The following CLPB variants were observed in gnomAD, a reference collection of about 807,000 sequenced individuals.
The protein encoded by CLPB is ClpB family mitochondrial disaggregase.
CLPB carries 40 observed loss-of-function variants against 78.4 expected under a neutral mutation model. That is an observed-to-expected ratio of 0.51 (90% CI 0.40 to 0.66). The LOEUF (loss-of-function observed/expected upper bound fraction) is 0.66. Ranked by LOEUF, CLPB falls within the 30% of genes least tolerant of loss-of-function variation. The pLI is 0.00. For synonymous variants in CLPB, 333 were observed against 348.0 expected (o/e 0.96, Z 0.48); for missense variants, 780 against 886.9 (o/e 0.88, Z 1.53).
At chr11:72,421,582 A>C (rs976784688) in intron 2 of CLPB, among the ~76,000 whole-genome samples, 1 of 152,154 alleles carries the variant, frequency 6.6e-6, no homozygotes, top group African/African-American at 2.4e-5. Flanking sequence ...CCCCCGAGGA[A>C]ACTGAGAGAC....
At chr11:72,300,458 A>C (rs1348800180) in intron 11 of CLPB, among the ~76,000 whole-genome samples, 2 of 152,166 alleles carry the variant, frequency 1.3e-5, no homozygotes, top group African/African-American at 4.8e-5. Flanking sequence ...GCCTCAGTGT[A>C]CACGTGAGTA....
At chr11:72,341,676 C>T (rs1204396073) in intron 5 of CLPB, among the ~76,000 whole-genome samples, 1 of 152,186 alleles carries the variant, frequency 6.6e-6, no homozygotes, top group East Asian at 1.9e-4. Flanking sequence ...AGAGACAGTT[C>T]CTGTCTCCCA....
chr11:72,419,548 T>C (rs1348657082), intron 2 of CLPB, among the ~76,000 whole-genome samples: 2 of 152,234 alleles, frequency 1.3e-5, no homozygotes, highest in Non-Finnish European at 2.9e-5. Context: ...TGGCCTCTGA[T>C]GCCCTGTAGG....
chr11:72,403,580 T>C (rs573691442), intron 2 of CLPB, among the ~76,000 whole-genome samples: 1 of 152,278 alleles, frequency 6.6e-6, no homozygotes, highest in South Asian at 2.1e-4. Context: ...CCTAATGACA[T>C]GTCTTATCTA....
At chr11:72,316,093 T>C (rs775804892) in intron 7 of CLPB, among the ~76,000 whole-genome samples, 6 of 152,150 alleles carry the variant, frequency 3.9e-5, no homozygotes, top group Non-Finnish European at 7.4e-5. Flanking sequence ...GTAACTTCCT[T>C]ACAAATGGAG....
intron 2 of CLPB, among the ~76,000 whole-genome samples, chr11:72,407,944 G>A (rs1306848872): frequency 6.6e-6 from 1 of 151,924 alleles, no homozygotes. Flanking sequence ...ACCGCGCCCA[G>A]CCTCTGCCAC....
chr11:72,423,525 T>C (rs1428844266), intron 2 of CLPB, among the ~76,000 whole-genome samples: 1 of 152,208 alleles, frequency 6.6e-6, no homozygotes, highest in African/African-American at 2.4e-5. Flanking sequence ...TCTTAGTCCA[T>C]GTCACATCTT....
chr11:72,427,327 G>A (rs769308797), intron 2 of CLPB, among the ~76,000 whole-genome samples: 1 of 152,172 alleles, frequency 6.6e-6, no homozygotes, highest in Non-Finnish European at 1.5e-5. Flanking sequence ...TGGGGAAGAA[G>A]GGTAAAGCAC....
At chr11:72,364,512 AT>A (rs1020273331) in intron 4 of CLPB, among the ~76,000 whole-genome samples, 2 of 150,794 alleles carry the variant, frequency 1.3e-5, no homozygotes, top group African/African-American at 4.9e-5. Flanking sequence ...CGGCCAAAAA[AT>A]TTTTTTTTAT....
chr11:72,410,073 A>AT (rs895475200), intron 2 of CLPB, among the ~76,000 whole-genome samples: 3 of 152,096 alleles, frequency 2.0e-5, no homozygotes, highest in Admixed American at 2.0e-4. Flanking sequence ...TATTAAAAAT[A>AT]TAAAAAATTA....
intron 2 of CLPB, among the ~76,000 whole-genome samples, chr11:72,416,262 TA>T (rs1274578559): frequency 6.6e-6 from 1 of 152,224 alleles, no homozygotes; most frequent in East Asian, 1.9e-4. Flanking sequence ...AAATACGACC[TA>T]TCTCCAGACC....
intron 11 of CLPB, among the ~76,000 whole-genome samples, chr11:72,297,636 GGTGTGTGTGTGT>G (rs67807556): frequency 0.019 from 1,782 of 93,376 alleles, 38 homozygotes; most frequent in East Asian, 0.055. Context: ...TTGGGGACCA[GGTGTGTGTGTGT>G]GTGTGTGTGT....
intron 5 of CLPB, among the ~76,000 whole-genome samples, chr11:72,331,017 T>G (rs1274203506): frequency 2.0e-5 from 3 of 152,164 alleles, no homozygotes; most frequent in Non-Finnish European, 2.9e-5. Flanking sequence ...ATTTATATCA[T>G]GATACAGAAG....
chr11:72,368,185 A>C (rs575261611), intron 4 of CLPB, among the ~76,000 whole-genome samples: 1 of 152,306 alleles, frequency 6.6e-6, no homozygotes, highest in East Asian at 1.9e-4. Context: ...GTGAGTCCTG[A>C]AGGCTAACAT....
chr11:72,342,696 G>C (rs1169388014), intron 5 of CLPB, among the ~76,000 whole-genome samples: 1 of 152,172 alleles, frequency 6.6e-6, no homozygotes, highest in Non-Finnish European at 1.5e-5. Flanking sequence ...GGCCTCTGCA[G>C]TCTTCCCTCC....
At chr11:72,391,234 C>G (rs1015825246) in intron 3 of CLPB, among the ~76,000 whole-genome samples, 1 of 152,136 alleles carries the variant, frequency 6.6e-6, no homozygotes, top group Non-Finnish European at 1.5e-5. Context: ...ATCAAAGATG[C>G]CACCTGCTGT....
At chr11:72,360,598 G>A (rs945269622) in intron 4 of CLPB, among the ~76,000 whole-genome samples, 14 of 151,920 alleles carry the variant, frequency 9.2e-5, no homozygotes, top group African/African-American at 2.2e-4. Context: ...CACCACAGCC[G>A]GCTAATTTTT....
chr11:72,326,974 G>A (rs1950144309), intron 6 of CLPB, among the ~76,000 whole-genome samples: 1 of 152,210 alleles, frequency 6.6e-6, no homozygotes, highest in African/African-American at 2.4e-5. Context: ...AATCTGATGG[G>A]ACAGCAAAGC....
chr11:72,432,289 G>A (rs1258229265), intron 1 of CLPB, among the ~76,000 whole-genome samples: 2 of 152,146 alleles, frequency 1.3e-5, no homozygotes, highest in Non-Finnish European at 2.9e-5. Flanking sequence ...ACTGTGGTGG[G>A]CAAATGATGT....
Sources: allele counts gnomAD v4.1 joint callset (sites outside exome capture counted in the v4.1 genomes callset), GRCh38; gene constraint gnomAD v4.1.1; transcripts MANE v1.5; gene names NCBI Gene and HGNC (gene_info 2026-07-23, HGNC 2026-07-21).